BCAS3: variants seen among roughly 807,000 people sequenced by gnomAD.
BCAS3 encodes the protein BCAS4/BCAS3 fusion.
Under a neutral mutation model 116.1 loss-of-function variants are expected in BCAS3, and 53 were observed. The ratio of observed to expected loss-of-function variants is 0.46; its 90% confidence interval spans 0.37 to 0.57. BCAS3 has a LOEUF of 0.57. Ranked by LOEUF, BCAS3 falls within the 20% of genes least tolerant of loss-of-function variation. BCAS3 has a pLI of 0.00. For synonymous variants in BCAS3, 391 were observed against 408.2 expected (o/e 0.96, Z 0.51); for missense variants, 917 against 1,165.4 (o/e 0.79, Z 3.10).
At chr17:60,849,927 T>A (rs1055236276) in intron 7 of BCAS3, among the ~76,000 whole-genome samples, 39 of 152,172 alleles carry the variant, frequency 2.6e-4, no homozygotes, top group African/African-American at 8.4e-4. Context: ...CCTCGCTGAT[T>A]TTTTATTTTT....
chr17:61,357,710 G>A (rs1274451573), intron 22 of BCAS3, among the ~76,000 whole-genome samples: 1 of 149,248 alleles, frequency 6.7e-6, no homozygotes, highest in Non-Finnish European at 1.5e-5. Context: ...CCAAAGTACT[G>A]GGATTACAGG....
chr17:61,012,283 G>A lies in BCAS3; in HGVS notation c.1487-3468G>A, dbSNP rs2065164292. Among the ~76,000 whole-genome samples, 1 of 152,104 alleles carries A rather than the reference G, an allele frequency of 6.6e-6. No homozygotes were observed. Among genetic ancestry groups the A allele is most frequent in the Admixed American group, 6.6e-5 (1 of 15,256 alleles). Reference sequence around the variant, plus strand: ...GCCTCCAAAAGTGTGAAGTGACAGAGCAAAGATTGAGTGGAACTTTTGCTT... The same window carrying A: ...GCCTCCAAAAGTGTGAAGTGACAGAACAAAGATTGAGTGGAACTTTTGCTT... On this transcript the variant is annotated intron_variant, in intron 15 of 23. Coordinates refer to ENST00000407086, the MANE Select transcript of BCAS3 (RefSeq NM_017679.5). This position sits in a 1 kb window ranked among gnomAD's most constrained non-coding sequence, Gnocchi z 4.5.
chr17:61,255,508 CA>C (rs1439370192), intron 22 of BCAS3, among the ~76,000 whole-genome samples: 3 of 152,204 alleles, frequency 2.0e-5, no homozygotes, highest in Non-Finnish European at 4.4e-5. Context: ...TGTAGCGCAT[CA>C]ATACCCCTAA....
intron 22 of BCAS3, among the ~76,000 whole-genome samples, chr17:61,155,981 T>C (rs546979206): frequency 7.9e-5 from 12 of 152,292 alleles, no homozygotes; most frequent in African/African-American, 2.6e-4. Flanking sequence ...AGTTATACTC[T>C]TATTTCAGAA....
chr17:60,731,847 C>T (rs1438968219), intron 5 of BCAS3, among the ~76,000 whole-genome samples: 6 of 147,834 alleles, frequency 4.1e-5, no homozygotes, highest in Non-Finnish European at 5.9e-5. Context: ...GGCATGATCT[C>T]GGCTCACTGC....
intron 6 of BCAS3, among the ~76,000 whole-genome samples, chr17:60,786,447 G>C (rs1219742034): frequency 6.6e-6 from 1 of 151,914 alleles, no homozygotes; most frequent in Non-Finnish European, 1.5e-5. Flanking sequence ...GCTTGAGCCT[G>C]GGAGGTTGAG....
At chr17:60,678,020 G>A (rs1235038691) in intron 1 of BCAS3, 106 bp downstream of exon 1, 1 of 153,438 alleles carries the variant, frequency 6.5e-6, no homozygotes, top group Non-Finnish European at 1.5e-5. Context: ...CAGGAGAGAG[G>A]TGTCGATACT....
rs942704449 is a variant in BCAS3 at position 61,381,756 on chromosome 17, C to T, written c.2594-10221C>T. On this transcript the variant is annotated intron_variant, in intron 23 of 23. Transcript: ENST00000407086. This position sits in a 1 kb window ranked among gnomAD's most constrained non-coding sequence, Gnocchi z 6.0. ...TCCCCAGGGCCAGCATTCTTCAGCA[C>T]GCAGATGCCATGTGTGCCTGTATGT... Among the ~76,000 whole-genome samples, 6 of 152,182 alleles carry T rather than the reference C, an allele frequency of 3.9e-5. No homozygotes were observed. The highest frequency in any genetic ancestry group is 6.5e-5 in the Admixed American group (1 of 15,278).
intron 7 of BCAS3, among the ~76,000 whole-genome samples, chr17:60,841,069 A>G (rs749974694): frequency 2.6e-5 from 4 of 152,108 alleles, no homozygotes; most frequent in East Asian, 1.9e-4. Flanking sequence ...ATAAATGAAA[A>G]TTGTGTAATA....
chr17:61,247,656 T>C (rs2048078885), intron 22 of BCAS3, among the ~76,000 whole-genome samples: 2 of 152,212 alleles, frequency 1.3e-5, no homozygotes, highest in South Asian at 4.1e-4. Context: ...CAGCTGCTCT[T>C]GACTACAGCA....
intron 14 of BCAS3, among the ~76,000 whole-genome samples, chr17:60,977,335 A>T (rs1029834806): frequency 1.3e-5 from 2 of 151,924 alleles, no homozygotes; most frequent in Non-Finnish European, 1.5e-5. Context: ...ACATGCCACC[A>T]CACCTGGCTA....
In BCAS3 at chr17:60,957,985, T is replaced by C. The variant is rs528681604; in HGVS notation, c.1221+10633T>C. On this transcript the variant is annotated intron_variant, in intron 14 of 23. Transcript: ENST00000407086. ...CAATGAACAGTAGTTTTCTATTTAC[T>C]GTACATTAGTCATTGAAAGATGGCA... is the stretch of plus-strand genomic sequence containing the variant. Among the ~76,000 whole-genome samples the C allele has an allele frequency of 2.0e-5, 3 of 152,362 alleles. No homozygotes were observed. The East Asian group carries it at 5.8e-4, about 29-fold the overall frequency.
chr17:60,847,529 A>G (rs2052647286), intron 7 of BCAS3, among the ~76,000 whole-genome samples: 1 of 152,126 alleles, frequency 6.6e-6, no homozygotes, highest in African/African-American at 2.4e-5. Context: ...ATTATGACCA[A>G]CCTAGTGGCT....
intron 15 of BCAS3, among the ~76,000 whole-genome samples, chr17:60,991,067 C>T (rs2063495400): frequency 6.6e-6 from 1 of 152,186 alleles, no homozygotes; most frequent in South Asian, 2.1e-4. Flanking sequence ...TGGAATCTCT[C>T]TTTTGCATAC....
chr17:61,062,167 T>A (rs370974189), intron 19 of BCAS3, among the ~76,000 whole-genome samples: 1 of 152,204 alleles, frequency 6.6e-6, no homozygotes, highest in Admixed American at 6.5e-5. Flanking sequence ...TTTAATTAAA[T>A]ATGAATTTTT....
chr17:61,294,438 C>T (rs1023855198), intron 22 of BCAS3, among the ~76,000 whole-genome samples: 1 of 152,160 alleles, frequency 6.6e-6, no homozygotes, highest in Admixed American at 6.5e-5. Flanking sequence ...TTATGCTAGC[C>T]ACAGCGTGGT....
At chr17:60,970,493 A>G (rs1334590800) in intron 14 of BCAS3, among the ~76,000 whole-genome samples, 2 of 152,196 alleles carry the variant, frequency 1.3e-5, no homozygotes, top group African/African-American at 2.4e-5. Flanking sequence ...AATGTATATT[A>G]AAAGATACAT....
chr17:60,786,025 A>G (rs544910945), intron 6 of BCAS3, among the ~76,000 whole-genome samples: 1 of 152,216 alleles, frequency 6.6e-6, no homozygotes, highest in Admixed American at 6.5e-5. Flanking sequence ...GTATGATGCA[A>G]TTTTATGCCA....
rs549023398 is a variant in BCAS3, at chr17:61,278,063, G to A, written c.2426-90264G>A. ...GTTTTGTTTTGTTTTGTTTGACGGA[G>A]TCACACTGTGTAGCCCAGGCTGGAG... On this transcript the variant is annotated intron_variant, in intron 22 of 23. Coordinates refer to ENST00000407086, the MANE Select transcript of BCAS3 (RefSeq NM_017679.5). This position sits in a 1 kb window ranked among gnomAD's most constrained non-coding sequence, Gnocchi z 5.8. Among the ~76,000 whole-genome samples, 2 of 152,150 alleles carry A rather than the reference G, an allele frequency of 1.3e-5. No homozygotes were observed. The highest frequency in any genetic ancestry group is 2.9e-5 in the Non-Finnish European group (2 of 68,034).
Sources: allele counts gnomAD v4.1 joint callset (sites outside exome capture counted in the v4.1 genomes callset), GRCh38; gene constraint gnomAD v4.1.1; non-coding constraint Gnocchi (gnomAD v3.1); transcripts MANE v1.5; gene names NCBI Gene and HGNC (gene_info 2026-07-23, HGNC 2026-07-21).